The following LARGE1 variants were observed in gnomAD, a reference collection of about 807,000 sequenced individuals.
LARGE1 encodes LARGE xylosyl- and glucuronyltransferase 1.
A neutral mutation model predicts 87.6 loss-of-function variants in LARGE1; 43 were observed. That is an observed-to-expected ratio of 0.49 (90% confidence interval 0.38 to 0.63). LARGE1 has a LOEUF of 0.63. Among genes scored for constraint, LARGE1 ranks in the 30% least tolerant of loss-of-function variants. The probability of loss-of-function intolerance (pLI) is 0.00; values close to 1 mark genes in which losing one functional copy is unlikely to be tolerated. For missense variants in LARGE1, 802 were observed against 1,000.2 expected, an observed-to-expected ratio of 0.80 and a Z score of 2.67; for synonymous variants, 434 against 394.6, an observed-to-expected ratio of 1.10 and a Z score of -1.18.
chr22:33,722,353 G>A (rs1321653499), intron 2 of LARGE1, among the ~76,000 whole-genome samples: 1 of 139,370 alleles, frequency 7.2e-6, no homozygotes, highest in Non-Finnish European at 1.6e-5. Context: ...AGAGGAGGGA[G>A]AGGGAGAGAG....
At chr22:33,634,858 G>C (rs1339279774) in intron 3 of LARGE1, among the ~76,000 whole-genome samples, 1 of 58 alleles carries the variant, frequency 0.017, no homozygotes, top group Non-Finnish European at 0.033. Flanking sequence ...GGCCAAGCAT[G>C]GTGCTCACGC....
intron 4 of LARGE1, among the ~76,000 whole-genome samples, chr22:33,625,745 C>A (rs2079900970): frequency 6.6e-6 from 1 of 152,122 alleles, no homozygotes; most frequent in Non-Finnish European, 1.5e-5. Flanking sequence ...GTATCCTAAT[C>A]TCCTCTTTTT....
rs147227738 is a variant in LARGE1 at position 33,757,836 on chromosome 22, C to T, written c.106+3535G>A. 1.9e-3 allele frequency among the ~76,000 whole-genome samples: 283 copies of T among 152,244 alleles called. 1 individual carries two copies. The highest frequency in any genetic ancestry group is 6.4e-3 in the African/African-American group (264 of 41,536). The stretch of plus-strand genomic sequence containing the variant: ...AATTACAAAGAAAATAACGTCTCTG[C>T]GGGCCCTTTGGGAAATGCACTGTTG... On this transcript the variant is annotated intron_variant, in intron 2 of 14. Coordinates refer to ENST00000397394, the MANE Select transcript of LARGE1 (RefSeq NM_133642.5).
At chr22:33,086,930 A>G in the LARGE1 span, among the ~76,000 whole-genome samples, 1 of 152,314 alleles carries the variant, frequency 6.6e-6, no homozygotes, top group Non-Finnish European at 1.5e-5. Context: ...AAATTTTTTG[A>G]CATTAATTCT....
intron 2 of LARGE1, among the ~76,000 whole-genome samples, chr22:33,681,478 TAAC>T (rs1317955686): frequency 1.3e-5 from 2 of 152,224 alleles, no homozygotes; most frequent in African/African-American, 4.8e-5. Context: ...AATAGAATAC[TAAC>T]AACATCTACC....
At chr22:33,779,269 T>G (rs1039710616) in intron 1 of LARGE1, among the ~76,000 whole-genome samples, 2 of 152,204 alleles carry the variant, frequency 1.3e-5, no homozygotes, top group Non-Finnish European at 2.9e-5. Context: ...GGCTCTATGG[T>G]GGGTGCTTAA....
intron 11 of LARGE1, among the ~76,000 whole-genome samples, chr22:33,255,975 G>A (rs926978088): frequency 2.0e-5 from 3 of 152,154 alleles, no homozygotes; most frequent in African/African-American, 4.8e-5. Context: ...ACCCCCTGCA[G>A]ATTCCATGCT....
At chr22:33,480,248 T>C (rs1206936654) in intron 6 of LARGE1, among the ~76,000 whole-genome samples, 1 of 152,202 alleles carries the variant, frequency 6.6e-6, no homozygotes, top group Non-Finnish European at 1.5e-5. Flanking sequence ...TAGAGTGTGT[T>C]CTGCTAGAAA....
chr22:33,067,813 T>C, the LARGE1 span, among the ~76,000 whole-genome samples: 506 of 152,186 alleles, frequency 3.3e-3, 11 homozygotes, highest in Admixed American at 0.026. Flanking sequence ...ACCCCGTCTC[T>C]ACTAAAAATA....
the LARGE1 span, among the ~76,000 whole-genome samples, chr22:33,096,863 C>A: frequency 2.0e-5 from 3 of 152,314 alleles, no homozygotes; most frequent in Middle Eastern, 3.4e-3. Flanking sequence ...CCGCGCCCGG[C>A]GGATCTGGAG....
intron 11 of LARGE1, among the ~76,000 whole-genome samples, chr22:33,194,062 T>C (rs1327658291): frequency 6.6e-6 from 1 of 151,306 alleles, no homozygotes; most frequent in Admixed American, 6.6e-5. Context: ...AATTTTATAC[T>C]GTCTGCATTA....
At chr22:33,129,846 G>A in the LARGE1 span, among the ~76,000 whole-genome samples, 3 of 152,162 alleles carry the variant, frequency 2.0e-5, no homozygotes, top group African/African-American at 7.2e-5. Context: ...AACGGCCCCC[G>A]TGATCCAATT....
Position 33,506,043 on chromosome 22 carries a change from T to G in LARGE1, c.787+58805A>C, listed in dbSNP as rs2070749121. Reference sequence around the variant, plus strand: ...ATTCCCCAGGCTTTACAACTGCCACTCAATTAGGGGACTCACAGCCATGAA... The same window carrying G: ...ATTCCCCAGGCTTTACAACTGCCACGCAATTAGGGGACTCACAGCCATGAA... On this transcript the variant is annotated intron_variant, in intron 6 of 14. Transcript: ENST00000397394. Among the ~76,000 whole-genome samples the G allele has an allele frequency of 2.0e-5, 3 of 152,102 alleles. No homozygotes were observed. The South Asian group carries it at 6.2e-4, about 32-fold the overall frequency.
intron 4 of LARGE1, among the ~76,000 whole-genome samples, chr22:33,621,336 T>C (rs1197473657): frequency 6.6e-6 from 1 of 152,226 alleles, no homozygotes; most frequent in South Asian, 2.1e-4. Flanking sequence ...TATTAATTTC[T>C]CTCCAACAGG....
At chr22:33,341,361 G>A (rs940821348) in intron 9 of LARGE1, among the ~76,000 whole-genome samples, 9 of 152,008 alleles carry the variant, frequency 5.9e-5, no homozygotes, top group South Asian at 2.1e-4. Context: ...ACTGGACTAC[G>A]ACACTGAGGG....
chr22:33,089,593 G>A, the LARGE1 span, among the ~76,000 whole-genome samples: 2 of 151,684 alleles, frequency 1.3e-5, no homozygotes, highest in African/African-American at 4.8e-5. Context: ...GAACTCCTGG[G>A]CTCAAGGGAT....
intron 11 of LARGE1, among the ~76,000 whole-genome samples, chr22:33,211,740 T>A (rs1403979880): frequency 6.6e-6 from 1 of 151,852 alleles, no homozygotes; most frequent in African/African-American, 2.4e-5. Context: ...GCCACTACAC[T>A]CCAGCCTGGG....
rs557736382 is a variant in LARGE1, at chr22:33,531,942, G to C, written c.787+32906C>G. 4.6e-5 allele frequency among the ~76,000 whole-genome samples: 7 copies of C among 152,360 alleles called. No homozygotes were observed. In the South Asian group the frequency reaches 1.5e-3, roughly 32 times the overall value. The stretch of plus-strand genomic sequence containing the variant: ...TCCATGCAACAGACACTGCATGCCT[G>C]CAAGGTGGGGATTGCAAGGAGGCGC... On this transcript the variant is annotated intron_variant, in intron 6 of 14. Transcript: ENST00000397394.
intron 1 of LARGE1, among the ~76,000 whole-genome samples, chr22:33,833,751 G>C (rs761444922): frequency 6.6e-5 from 10 of 152,222 alleles, no homozygotes; most frequent in South Asian, 6.2e-4. Flanking sequence ...GCAATGGCGT[G>C]ATCTCAGCTC....
Sources: allele counts gnomAD v4.1 joint callset (sites outside exome capture counted in the v4.1 genomes callset), GRCh38; gene constraint gnomAD v4.1.1; transcripts MANE v1.5; gene names NCBI Gene and HGNC (gene_info 2026-07-23, HGNC 2026-07-21).